The following C3orf38 variants were observed in gnomAD, a reference collection of about 807,000 sequenced individuals.
The protein encoded by C3orf38 is uncharacterized protein C3orf38.
C3orf38 carries 18 observed loss-of-function variants against 28.3 expected under a neutral mutation model. That is an observed-to-expected ratio of 0.64 (90% CI 0.44 to 0.94). C3orf38 has a LOEUF of 0.94. Ranked by LOEUF, C3orf38 falls within the 40% of genes least tolerant of loss-of-function variation. The pLI is 0.00. For missense variants in C3orf38, 364 were observed against 396.4 expected (o/e 0.92, Z 0.69); for synonymous variants, 145 against 138.1 (o/e 1.05, Z -0.35).
Position 88,156,323 on chromosome 3 carries a change from T to A in C3orf38, c.678T>A (p.Ser226=), listed in dbSNP as rs756810194. The change falls in exon 3 of 3, where the codon TCT becomes TCA. Residue 226 remains serine, a synonymous_variant. Coordinates refer to ENST00000318887, the MANE Select transcript of C3orf38 (RefSeq NM_173824.4). ...ATTCACATGGACTGAAATGTGCATC[T>A]TCTCCTCATGGGCTGGTTATGGTTG... ...NLDSHGLKCA[S]SPHGLVMVGV... The A allele has an allele frequency of 1.5e-5, 24 of 1,614,234 alleles. No homozygotes were observed. The South Asian group carries it at 2.5e-4, about 17-fold the overall frequency.
intron 1 of C3orf38, chr3:88,151,036 G>A (rs955457032): frequency 1.3e-5 from 2 of 152,090 alleles, no homozygotes; most frequent in African/African-American, 4.8e-5. Flanking sequence ...GTTCTTCAGC[G>A]TTTATTTTAC....
At position 88,156,872 on chromosome 3, in the gene C3orf38, C is replaced by T. The variant is rs1024397775; in HGVS notation, c.*237C>T. The T allele has an allele frequency of 5.7e-5, 25 of 435,746 alleles. No individual in the cohort carries two copies. Among genetic ancestry groups the T allele is most frequent in the African/African-American group, 4.8e-4 (24 of 49,790 alleles). The allele number at this position is 435,746 out of a possible 1,614,324, so 27.0% of individuals were successfully genotyped here. Reference sequence around the variant, plus strand: ...TTACCTATTTCTACCCGAGTTGCAGCAAGTATTCTGAAAGCTTAATGCAAA... The same window carrying T: ...TTACCTATTTCTACCCGAGTTGCAGTAAGTATTCTGAAAGCTTAATGCAAA... On this transcript the variant is annotated 3_prime_UTR_variant, in exon 3 of 3. Coordinates refer to ENST00000318887, the MANE Select transcript of C3orf38 (RefSeq NM_173824.4).
chr3:88,153,353 C>T lies in C3orf38; in HGVS notation c.257C>T (p.Thr86Ile), dbSNP rs1289531888. The change falls in exon 2 of 3, where the codon ACT (threonine) becomes ATT (isoleucine). Residue 86 changes from threonine (T) to isoleucine (I), a missense_variant. By Grantham distance (89) the Thr-to-Ile change is moderately conservative. Transcript: ENST00000318887. Reference protein sequence around the residue: ...ATQGIVIPPATEKHNLIQHAK... With the variant: ...ATQGIVIPPAIEKHNLIQHAK... ...CAGGGGATTGTTATACCTCCAGCTACTGAAAAACACAATCTTATTCAGCAT... is the reference window on the plus strand; with the variant it reads ...CAGGGGATTGTTATACCTCCAGCTATTGAAAAACACAATCTTATTCAGCAT... 5 of 1,613,798 alleles carry T rather than the reference C, an allele frequency of 3.1e-6. No individual in the cohort carries two copies. The highest frequency in any genetic ancestry group is 4.2e-6 in the Non-Finnish European group (5 of 1,179,992).
At position 88,156,172 on chromosome 3, in the gene C3orf38, T is replaced by A; in HGVS notation, c.527T>A (p.Val176Glu). Residue 176 changes from valine (V) to glutamate (E), a missense_variant, in exon 3 of 3, where the codon GTG becomes GAG. Coordinates refer to ENST00000318887, the MANE Select transcript of C3orf38 (RefSeq NM_173824.4). The part of the protein sequence containing the change: ...EWGPQHFWHD[V>E]KLRFYYNTSE... ...GGACCACAGCACTTCTGGCATGATG[T>A]GAAGCTTAGGTTTTATTACAACACA... 1 of 1,613,922 alleles carries A rather than the reference T, an allele frequency of 6.2e-7. No homozygotes were observed. Among genetic ancestry groups the A allele is most frequent in the Non-Finnish European group, 8.5e-7 (1 of 1,179,962 alleles).
At chr3:88,153,749 T>C (rs1707446537) in intron 2 of C3orf38, among the ~76,000 whole-genome samples, 1 of 151,984 alleles carries the variant, frequency 6.6e-6, no homozygotes, top group Non-Finnish European at 1.5e-5. Flanking sequence ...TTTTTAAAAT[T>C]TTTTGGTAGG....
chr3:88,153,579 AT>A, intron 2 of C3orf38, 108 bp downstream of exon 2: 1 of 1,316,302 alleles, frequency 7.6e-7, no homozygotes, highest in South Asian at 1.5e-5. Flanking sequence ...GGGTTTTTTT[AT>A]TTTTATTTTT....
In C3orf38 at chr3:88,153,338, T is replaced by C; in HGVS notation, c.242T>C (p.Val81Ala). 6.2e-7 allele frequency: 1 copy of C among 1,612,846 alleles called. No individual in the cohort carries two copies. The highest frequency in any genetic ancestry group is 1.3e-5 in the African/African-American group (1 of 74,528). The change falls in exon 2 of 3, where the codon GTT (valine) becomes GCT (alanine). Residue 81 changes from valine to alanine, a missense_variant. Val to Ala is a moderately conservative substitution (Grantham distance 64). Transcript: ENST00000318887. ...IFKYLATQGI[V>A]IPPATEKHNL... ...AAGTACTTGGCAACACAGGGGATTG[T>C]TATACCTCCAGCTACTGAAAAACAC...
Position 88,153,284 on chromosome 3 carries a change from G to A in C3orf38, c.188G>A (p.Arg63His), listed in dbSNP as rs553079746. The A allele has an allele frequency of 7.6e-5, 122 of 1,613,580 alleles. No homozygotes were observed. The highest frequency in any genetic ancestry group is 9.2e-5 in the Non-Finnish European group (109 of 1,179,862). The change falls in exon 2 of 3, where the codon CGT (arginine) becomes CAT (histidine). Residue 63 changes from arginine to histidine, a missense_variant. Physicochemically the swap from Arg to His is conservative, Grantham distance 29. Transcript: ENST00000318887. ...CAAAGTGCAGAAGAACTTCTGAGGC[G>A]TAGAAAAGTCCACCGAGAAGTTATA... is the stretch of plus-strand genomic sequence containing the variant. ...YSQSAEELLR[R>H]RKVHREVIFK...
In C3orf38 at chr3:88,156,705, CTGTCAGCCTG is replaced by C; in HGVS notation, c.*71_*80del. 6.8e-7 allele frequency: 1 copy of C among 1,480,378 alleles called. No homozygotes were observed. 91.7% of individuals were successfully genotyped at this position (1,480,378 alleles called of 1,614,324 possible). ...ACCTGACCCTCTAAAGCGCTAAGTA[CTGTCAGCCTG>C]AAAAAAATCTTCTATACAGAAACTC... On this transcript the variant is annotated 3_prime_UTR_variant, in exon 3 of 3. Transcript: ENST00000318887.
Position 88,153,451 on chromosome 3 carries a change from G to T in C3orf38, c.355G>T (p.Asp119Tyr), listed in dbSNP as rs1576369663. 4.3e-6 allele frequency: 7 copies of T among 1,614,042 alleles called. No homozygotes were observed. The East Asian group carries it at 1.6e-4, about 36-fold the overall frequency. ...ETPEPVTKTE[D>Y]IHLFQQQVKE... is the part of the protein sequence containing the mutation. ...GCCAGAGCCAGTTACAAAGACAGAGGACATCCACCTATTTCAACAGGTAAA... is the reference window on the plus strand; with the variant it reads ...GCCAGAGCCAGTTACAAAGACAGAGTACATCCACCTATTTCAACAGGTAAA... The change falls in exon 2 of 3, where the codon GAC (aspartate) becomes TAC (tyrosine). Residue 119 changes from aspartate (D) to tyrosine (Y), a missense_variant. Coordinates refer to ENST00000318887, the MANE Select transcript of C3orf38 (RefSeq NM_173824.4).
rs1295609321 is a variant in C3orf38, at chr3:88,150,025, C to T, written c.-28C>T. ...GTGGGCCGTAGGGGCGACATTGTTG[C>T]CGTTGTCTTTCCCCCCCAGTCCCGG... On this transcript the variant is annotated 5_prime_UTR_variant, in exon 1 of 3. Coordinates refer to ENST00000318887, the MANE Select transcript of C3orf38 (RefSeq NM_173824.4). 1 of 1,557,054 alleles carries T rather than the reference C, an allele frequency of 6.4e-7. No individual in the cohort carries two copies. Among genetic ancestry groups the T allele is most frequent in the Non-Finnish European group, 8.7e-7 (1 of 1,152,206 alleles).
At chr3:88,152,114 T>C (rs1212503410) in intron 1 of C3orf38, among the ~76,000 whole-genome samples, 1 of 152,210 alleles carries the variant, frequency 6.6e-6, no homozygotes, top group Non-Finnish European at 1.5e-5. Context: ...TCTTTGGTCT[T>C]GTATTTTAAA....
rs549179277 is a variant in C3orf38 at position 88,152,526 on chromosome 3, G to T, written c.134-704G>T. ...ACCTGTAATCCCAGCACTTTGGGAG[G>T]CCGAGGCGGGCGGATCATGAGGTCA... is the stretch of plus-strand genomic sequence containing the variant. On this transcript the variant is annotated intron_variant, in intron 1 of 2. Coordinates refer to ENST00000318887, the MANE Select transcript of C3orf38 (RefSeq NM_173824.4). 1.5e-3 allele frequency among the ~76,000 whole-genome samples: 233 copies of T among 152,162 alleles called. 2 individuals carry two copies. The highest frequency in any genetic ancestry group is 6.8e-3 in the Middle Eastern group (2 of 294).
chr3:88,152,900 A>C (rs1367948210), intron 1 of C3orf38, among the ~76,000 whole-genome samples: 1 of 152,200 alleles, frequency 6.6e-6, no homozygotes, highest in Non-Finnish European at 1.5e-5. Context: ...GTTGTGCATG[A>C]ATTTAGGACT....
rs540851058 is a variant in C3orf38 at position 88,150,040 on chromosome 3, C to CA, written c.-13_-12insA. On this transcript the variant is annotated 5_prime_UTR_variant, in exon 1 of 3. Transcript: ENST00000318887. Reference sequence around the variant, plus strand: ...GACATTGTTGCCGTTGTCTTTCCCCCCCAGTCCCGGGGATGGAGATGTCGG... The same window carrying CA: ...GACATTGTTGCCGTTGTCTTTCCCCCACCAGTCCCGGGGATGGAGATGTCGG... The CA allele has an allele frequency of 1.4e-5, 22 of 1,613,960 alleles. No individual in the cohort carries two copies. In the East Asian group the frequency reaches 2.7e-4, roughly 20 times the overall value.
At chr3:88,152,578 C>T (rs567219572) in intron 1 of C3orf38, among the ~76,000 whole-genome samples, 9 of 151,658 alleles carry the variant, frequency 5.9e-5, no homozygotes, top group East Asian at 2.0e-4. Context: ...CTGGCTAACA[C>T]GGTGAAACCC....
Position 88,156,590 on chromosome 3 carries a change from T to C in C3orf38, c.945T>C (p.His315=), listed in dbSNP as rs1707482959. Residue 315 remains histidine, a synonymous_variant, in exon 3 of 3, where the codon CAT becomes CAC. Coordinates refer to ENST00000318887, the MANE Select transcript of C3orf38 (RefSeq NM_173824.4). ...TATGTGGTACCAATGAAGTACGACA[T>C]AATGTAAAGCAGGCTTCGGATAGTG... The part of the protein sequence containing the change: ...ITVCGTNEVR[H]NVKQASDSGT... The C allele has an allele frequency of 1.2e-6, 2 of 1,613,390 alleles. No individual in the cohort carries two copies. The highest frequency in any genetic ancestry group is 1.7e-6 in the Non-Finnish European group (2 of 1,179,926).
Position 88,150,147 on chromosome 3 carries a change from C to CCG in C3orf38, c.95_96insCG (p.Thr34SerfsTer19), listed in dbSNP as rs1464414363. The stretch of plus-strand genomic sequence containing the variant: ...GACGAGATCATGGCCCTATGCGACA[C>CCG]TGTCACCAACCGCCTGGTGCAGCCT... On this transcript the variant is annotated frameshift_variant, in exon 1 of 3. Coordinates refer to ENST00000318887, the MANE Select transcript of C3orf38 (RefSeq NM_173824.4). LOFTEE classifies it high-confidence loss of function. 2 of 1,614,186 alleles carry CCG rather than the reference C, an allele frequency of 1.2e-6. No individual in the cohort carries two copies. The highest frequency in any genetic ancestry group is 2.2e-5 in the South Asian group (2 of 91,082).
chr3:88,150,754 ATAAAAATG>A (rs1412235752), intron 1 of C3orf38: 1 of 152,230 alleles, frequency 6.6e-6, no homozygotes, highest in Non-Finnish European at 1.5e-5. Context: ...ACTAGTCCAT[ATAAAAATG>A]TAAAGCGTTT....
Sources: gnomAD v4.1 joint callset for allele counts (sites outside exome capture counted in the v4.1 genomes callset) on GRCh38, gnomAD v4.1.1 for gene constraint, MANE v1.5 for transcripts, NCBI Gene and HGNC (gene_info 2026-07-23, HGNC 2026-07-21) for gene names.